Variants in NEMP2 observed in about 807,000 individuals in gnomAD.
NEMP2 encodes nuclear envelope integral membrane protein 2, also known as UPF0571 transmembrane protein.
Under a neutral mutation model 54.2 loss-of-function variants are expected in NEMP2, and 53 were observed. The observed-to-expected ratio is 0.98, with a 90% CI of 0.78 to 1.23. The LOEUF is 1.23. NEMP2 is among the 50% of genes most tolerant of loss of function. The pLI is 0.00. For missense variants in NEMP2, 455 were observed against 511.3 expected, an observed-to-expected ratio of 0.89 and a Z score of 1.06; for synonymous variants, 197 against 190.3, an observed-to-expected ratio of 1.04 and a Z score of -0.29.
At chr2:190,440,527 C>T in the NEMP2 span, among the ~76,000 whole-genome samples, 1 of 152,188 alleles carries the variant, frequency 6.6e-6, no homozygotes, top group East Asian at 1.9e-4. Context: ...CTTAAGGTAT[C>T]TTCACATTGC....
chr2:190,554,198 G>T, the NEMP2 span, among the ~76,000 whole-genome samples: 1 of 152,182 alleles, frequency 6.6e-6, no homozygotes, highest in African/African-American at 2.4e-5. The surrounding 1 kb of genome is among the most constrained non-coding windows in gnomAD (Gnocchi z 5.7). Context: ...CGTCACCAGG[G>T]CCCTGGGTTT....
At chr2:190,639,605 G>C in the NEMP2 span, among the ~76,000 whole-genome samples, 1 of 150,530 alleles carries the variant, frequency 6.6e-6, no homozygotes, top group Admixed American at 6.6e-5. Context: ...TTTTTTTCCT[G>C]ATTTTCAAAG....
Position 190,510,817 on chromosome 2 carries a change from G to A in NEMP2, c.954-280C>T, listed in dbSNP as rs1214234006. 6.6e-6 allele frequency among the ~76,000 whole-genome samples: 1 copy of A among 151,054 alleles called. No individual in the cohort carries two copies. Among genetic ancestry groups the A allele is most frequent in the African/African-American group, 2.4e-5 (1 of 40,998 alleles). On this transcript the variant is annotated intron_variant, in intron 7 of 8. Coordinates refer to ENST00000409150, the MANE Select transcript of NEMP2 (RefSeq NM_001142645.2). The surrounding 1 kb of genome is among the most constrained non-coding windows in gnomAD (Gnocchi z 5.7). The stretch of plus-strand genomic sequence containing the variant: ...AATGGCGTGAACCTGGGAGGCAGAG[G>A]TTGCAGTAAGCCGAGATCGCGCCAC...
At chr2:190,571,642 G>A in the NEMP2 span, among the ~76,000 whole-genome samples, 1 of 152,116 alleles carries the variant, frequency 6.6e-6, no homozygotes, top group Non-Finnish European at 1.5e-5. Context: ...CAGGTATGCA[G>A]TATTTTCTTG....
At chr2:190,557,078 C>T in the NEMP2 span, among the ~76,000 whole-genome samples, 1 of 152,140 alleles carries the variant, frequency 6.6e-6, no homozygotes, top group Non-Finnish European at 1.5e-5. Context: ...TCAGACTATA[C>T]TACAAGGCTA....
At chr2:190,432,749 T>G in the NEMP2 span, among the ~76,000 whole-genome samples, 4 of 152,012 alleles carry the variant, frequency 2.6e-5, no homozygotes, top group African/African-American at 9.7e-5. Flanking sequence ...CAGAGGAAAA[T>G]AACCTGCATT....
At chr2:190,643,635 T>C in the NEMP2 span, among the ~76,000 whole-genome samples, 1 of 152,200 alleles carries the variant, frequency 6.6e-6, no homozygotes, top group Admixed American at 6.5e-5. Context: ...TACCAGCACT[T>C]ATTAGGTACT....
chr2:190,461,400 G>C, the NEMP2 span, among the ~76,000 whole-genome samples: 1 of 152,332 alleles, frequency 6.6e-6, no homozygotes, highest in East Asian at 1.9e-4. The surrounding 1 kb of genome is among the most constrained non-coding windows in gnomAD (Gnocchi z 5.5). Flanking sequence ...TGAGGTTCTA[G>C]TGTTGTATCC....
At chr2:190,594,798 C>CAT in the NEMP2 span, among the ~76,000 whole-genome samples, 1 of 152,124 alleles carries the variant, frequency 6.6e-6, no homozygotes, top group Non-Finnish European at 1.5e-5. This position sits in a 1 kb window ranked among gnomAD's most constrained non-coding sequence, Gnocchi z 5.6. Context: ...ACAAGGAGTA[C>CAT]CATCTGAGAA....
At chr2:190,582,829 G>A in the NEMP2 span, among the ~76,000 whole-genome samples, 65 of 152,300 alleles carry the variant, frequency 4.3e-4, no homozygotes, top group East Asian at 6.9e-3. This position sits in a 1 kb window ranked among gnomAD's most constrained non-coding sequence, Gnocchi z 4.6. Flanking sequence ...GAAGATGTTC[G>A]TGGAGGTTTT....
Position 190,513,676 on chromosome 2 carries a change from C to T in NEMP2, c.953+777G>A, listed in dbSNP as rs1690450802. Among the ~76,000 whole-genome samples the T allele has an allele frequency of 6.6e-6, 1 of 152,216 alleles. No homozygotes were observed. The highest frequency in any genetic ancestry group is 1.5e-5 in the Non-Finnish European group (1 of 68,034). ...ATGGTACCAAACTGGGCTTTCTCTC[C>T]ATCAGGAAAGCCCTCCGCATTTATT... On this transcript the variant is annotated intron_variant, in intron 7 of 8. Coordinates refer to ENST00000409150, the MANE Select transcript of NEMP2 (RefSeq NM_001142645.2). The surrounding 1 kb of genome is among the most constrained non-coding windows in gnomAD (Gnocchi z 5.3).
At chr2:190,606,709 C>CA in the NEMP2 span, among the ~76,000 whole-genome samples, 1 of 151,524 alleles carries the variant, frequency 6.6e-6, no homozygotes, top group East Asian at 1.9e-4. Context: ...GACGCTGACT[C>CA]AAAAAAATAA....
At chr2:190,578,338 C>G in the NEMP2 span, among the ~76,000 whole-genome samples, 1 of 151,972 alleles carries the variant, frequency 6.6e-6, no homozygotes, top group Non-Finnish European at 1.5e-5. The surrounding 1 kb of genome is among the most constrained non-coding windows in gnomAD (Gnocchi z 4.4). Flanking sequence ...CAGCTTCCTT[C>G]CATCCTCCCT....
chr2:190,520,253 G>A lies in NEMP2; in HGVS notation c.214-1070C>T, dbSNP rs925088635. 1.8e-4 allele frequency among the ~76,000 whole-genome samples: 27 copies of A among 152,056 alleles called. No homozygotes were observed. Among genetic ancestry groups the A allele is most frequent in the African/African-American group, 6.3e-4 (26 of 41,394 alleles). On this transcript the variant is annotated intron_variant, in intron 2 of 8. Coordinates refer to ENST00000409150, the MANE Select transcript of NEMP2 (RefSeq NM_001142645.2). This position sits in a 1 kb window ranked among gnomAD's most constrained non-coding sequence, Gnocchi z 5.4. ...TAAGAAAAAGCACTTCCTTTCTCTG[G>A]ATCAGCTGAGCATCTGTAATTCAGG...
chr2:190,534,443 G>T, intron 1 of NEMP2, 116 bp downstream of exon 1: 2 of 1,229,128 alleles, frequency 1.6e-6, no homozygotes, highest in Non-Finnish European at 2.0e-6. Context: ...AAAAGGGAGC[G>T]CCCGCCCCAG....
chr2:190,602,011 G>A, the NEMP2 span, among the ~76,000 whole-genome samples: 1 of 152,136 alleles, frequency 6.6e-6, no homozygotes, highest in Admixed American at 6.5e-5. Context: ...ACTCAAGCTG[G>A]CTAAAATGAA....
At chr2:190,517,492 T>C in intron 5 of NEMP2, 28 bp downstream of exon 5, 1 of 1,455,434 alleles carries the variant, frequency 6.9e-7, no homozygotes, top group Non-Finnish European at 9.3e-7. Flanking sequence ...ATTTCCATTT[T>C]TTACTCATTT....
At chr2:190,615,683 C>T in the NEMP2 span, among the ~76,000 whole-genome samples, 4 of 152,206 alleles carry the variant, frequency 2.6e-5, no homozygotes, top group Non-Finnish European at 2.9e-5. The surrounding 1 kb of genome is among the most constrained non-coding windows in gnomAD (Gnocchi z 4.7). Context: ...AACCTGTAAT[C>T]ACTAGGTTGG....
At chr2:190,455,280 TA>T in the NEMP2 span, among the ~76,000 whole-genome samples, 1 of 151,938 alleles carries the variant, frequency 6.6e-6, no homozygotes. Flanking sequence ...TTCATAGCTC[TA>T]TTAATTAAAT....
Sources: gnomAD v4.1 joint callset for allele counts (sites outside exome capture counted in the v4.1 genomes callset) on GRCh38, gnomAD v4.1.1 for gene constraint, Gnocchi (gnomAD v3.1) non-coding constraint, MANE v1.5 for transcripts, NCBI Gene and HGNC (gene_info 2026-07-23, HGNC 2026-07-21) for gene names.